Variants in RPS3A observed in about 807,000 individuals in gnomAD.
The protein encoded by RPS3A is ribosomal protein S3A, also known as small ribosomal subunit protein eS1.
RPS3A carries 1 observed loss-of-function variant against 26.4 expected under a neutral mutation model. The ratio of observed to expected loss-of-function variants is 0.04; its 90% CI spans 0.01 to 0.18. The LOEUF (loss-of-function observed/expected upper bound fraction) is 0.18, where lower values mean the gene tolerates loss of function less well. Among genes scored for constraint, RPS3A ranks in the 10% least tolerant of loss-of-function variants. The pLI, the probability that RPS3A is intolerant of heterozygous loss-of-function variation, is 1.00. For synonymous variants in RPS3A, 97 were observed against 106.1 expected (o/e 0.91, Z 0.53); for missense variants, 139 against 326.8 (o/e 0.43, Z 4.43).
intron 3 of RPS3A, 167 bp from the exon 4 acceptor site, chr4:151,102,704 G>A (rs1439948412): frequency 2.5e-6 from 2 of 815,480 alleles, no homozygotes; most frequent in Non-Finnish European, 3.7e-6. Flanking sequence ...GGGTAACTTG[G>A]TAAGTTCAAG....
At chr4:151,104,438 G>GGTTT in intron 5 of RPS3A, 34 bp from the exon 6 acceptor site, 6 of 370,334 alleles carry the variant, frequency 1.6e-5, no homozygotes, top group Non-Finnish European at 2.4e-5. Context: ...ACAGTTTTTT[G>GGTTT]GTTTTTTTTT....
At chr4:151,100,238 G>T (rs1378148436) in intron 1 of RPS3A, among the ~76,000 whole-genome samples, 3 of 152,176 alleles carry the variant, frequency 2.0e-5, no homozygotes, top group African/African-American at 4.8e-5. Context: ...TATTCTAAGT[G>T]CCTGTGTAGT....
intron 4 of RPS3A, 130 bp from the exon 5 acceptor site, chr4:151,104,047 G>A: frequency 2.0e-6 from 3 of 1,488,980 alleles, no homozygotes; most frequent in Non-Finnish European, 1.8e-6. Context: ...TTAACAGGAG[G>A]ATTTATGCAG....
At chr4:151,103,315 T>TA in intron 4 of RPS3A, 1 of 783,318 alleles carries the variant, frequency 1.3e-6, no homozygotes, top group Non-Finnish European at 1.8e-6. Flanking sequence ...AGTATTGTGA[T>TA]CCTCCTTGGC....
At position 151,100,967 on chromosome 4, in the gene RPS3A, T is replaced by C. The variant is rs761218523; in HGVS notation, c.167-8T>C. Reference sequence around the variant, plus strand: ...AAATGTTAAGATACTTGTTTTTTTCTTTTGTAGAAATTGCATCTGATGGTC... The same window carrying C: ...AAATGTTAAGATACTTGTTTTTTTCCTTTGTAGAAATTGCATCTGATGGTC... On this transcript the variant is annotated splice_polypyrimidine_tract_variant and splice_region_variant and intron_variant, in intron 2 of 5. Transcript: ENST00000274065. The C allele has an allele frequency of 1.3e-6, 2 of 1,565,076 alleles. No individual in the cohort carries two copies. Among genetic ancestry groups the C allele is most frequent in the East Asian group, 4.5e-5 (2 of 44,304 alleles).
At chr4:151,101,212 G>T in intron 3 of RPS3A, 50 bp downstream of exon 3, 1 of 1,160,458 alleles carries the variant, frequency 8.6e-7, no homozygotes, top group South Asian at 1.6e-5. Flanking sequence ...GTTTGACCAA[G>T]GATAGCATGG....
intron 1 of RPS3A, chr4:151,099,946 C>G (rs1382002037): frequency 1.5e-6 from 1 of 663,784 alleles, no homozygotes; most frequent in East Asian, 2.9e-5. Flanking sequence ...AGCCGGCTTG[C>G]CGGCGCGACT....
chr4:151,103,822 A>C (rs1747237977), intron 4 of RPS3A: 3 of 1,366,810 alleles, frequency 2.2e-6, no homozygotes, highest in African/African-American at 1.5e-5. Context: ...TTAATGATGC[A>C]CGGGAATAAG....
At chr4:151,104,446 T>TTTTTTTA in intron 5 of RPS3A, 26 bp from the exon 6 acceptor site, 1 of 1,366,376 alleles carries the variant, frequency 7.3e-7, no homozygotes, top group South Asian at 1.6e-5. Context: ...TTGGTTTTTT[T>TTTTTTTA]TTTTTTTTTT....
chr4:151,104,128 T>TAC (rs1420276828), intron 4 of RPS3A, 49 bp from the exon 5 acceptor site: 41 of 1,584,302 alleles, frequency 2.6e-5, no homozygotes, highest in Non-Finnish European at 3.2e-5. Context: ...ATGGCTTATA[T>TAC]CTGAGAACTA....
At chr4:151,102,011 G>A (rs756865614) in intron 3 of RPS3A, 1 of 513,284 alleles carries the variant, frequency 1.9e-6, no homozygotes, top group Admixed American at 2.0e-5. Context: ...GGGATTACAG[G>A]TGTGAGCCAC....
intron 2 of RPS3A, 50 bp downstream of exon 2, chr4:151,100,638 A>G: frequency 1.9e-6 from 2 of 1,074,084 alleles, no homozygotes; most frequent in Non-Finnish European, 1.4e-6. Context: ...GCGCTTGTAT[A>G]TTGTAGCAGG....
chr4:151,101,072 T>C lies in RPS3A; in HGVS notation c.264T>C (p.Thr88=), dbSNP rs374926292. The C allele has an allele frequency of 5.6e-6, 9 of 1,597,498 alleles. No individual in the cohort carries two copies. The highest frequency in any genetic ancestry group is 1.1e-5 in the South Asian group (1 of 90,830). ...EVAFRKFKLI[T]EDVQGKNCLT... Reference sequence around the variant, plus strand: ...CATTTAGAAAATTCAAGCTGATTACTGAAGATGTTCAGGGTAAAAACTGCC... The same window carrying C: ...CATTTAGAAAATTCAAGCTGATTACCGAAGATGTTCAGGGTAAAAACTGCC... The change falls in exon 3 of 6, where the codon ACT becomes ACC. Residue 88 remains threonine (T), a synonymous_variant. Transcript: ENST00000274065.
Position 151,099,638 on chromosome 4 carries a change from T to A in RPS3A, c.-15T>A. The A allele has an allele frequency of 6.2e-7, 1 of 1,613,354 alleles. No individual in the cohort carries two copies. Among genetic ancestry groups the A allele is most frequent in the Non-Finnish European group, 8.5e-7 (1 of 1,179,810 alleles). ...CGACTCCCACTTCCGCCCTTTTGGCTCTCTGACCAGCACCATGGCGGTTGG... is the reference window on the plus strand; with the variant it reads ...CGACTCCCACTTCCGCCCTTTTGGCACTCTGACCAGCACCATGGCGGTTGG... On this transcript the variant is annotated 5_prime_UTR_variant, in exon 1 of 6. Coordinates refer to ENST00000274065, the MANE Select transcript of RPS3A (RefSeq NM_001006.5).
At chr4:151,100,082 T>C (rs1359691875) in intron 1 of RPS3A, 1 of 536,734 alleles carries the variant, frequency 1.9e-6, no homozygotes, top group African/African-American at 1.9e-5. Context: ...ATCTCGCCTT[T>C]GCTTGGTCCC....
chr4:151,104,448 T>TA, intron 5 of RPS3A, 24 bp from the exon 6 acceptor site: 1 of 1,388,872 alleles, frequency 7.2e-7, no homozygotes, highest in African/African-American at 1.5e-5. Flanking sequence ...GGTTTTTTTT[T>TA]TTTTTTTTTT....
At chr4:151,099,938 C>A (rs1459974913) in intron 1 of RPS3A, 1 of 666,918 alleles carries the variant, frequency 1.5e-6, no homozygotes, top group Admixed American at 2.0e-5. Context: ...CGCGTTTGAG[C>A]CGGCTTGCCG....
rs1441559073 is a variant in RPS3A at position 151,103,185 on chromosome 4, C to A, written c.563+106C>A. ...AGGTAAAGGTCTGTTGAAATCCTGTCTGTGAATCCTTCTAGCTATATCTCT... is the reference window on the plus strand; with the variant it reads ...AGGTAAAGGTCTGTTGAAATCCTGTATGTGAATCCTTCTAGCTATATCTCT... On this transcript the variant is annotated intron_variant, in intron 4 of 5. Coordinates refer to ENST00000274065, the MANE Select transcript of RPS3A (RefSeq NM_001006.5). 3.4e-6 allele frequency: 5 copies of A among 1,457,712 alleles called. No homozygotes were observed. In the East Asian group the frequency reaches 7.4e-5, roughly 22 times the overall value. The allele number at this position is 1,457,712 out of a possible 1,614,324, so 90.3% of individuals were successfully genotyped here.
intron 1 of RPS3A, 61 bp downstream of exon 1, chr4:151,099,775 T>G (rs1579554645): frequency 6.5e-7 from 1 of 1,532,070 alleles, no homozygotes; most frequent in Non-Finnish European, 8.9e-7. Flanking sequence ...GGCGGGCTGG[T>G]CCTAGATCGC....
Sources: gnomAD v4.1 joint callset for allele counts (sites outside exome capture counted in the v4.1 genomes callset) on GRCh38, gnomAD v4.1.1 for gene constraint, MANE v1.5 for transcripts, NCBI Gene and HGNC (gene_info 2026-07-23, HGNC 2026-07-21) for gene names.